Variants in SLCO1C1 observed in about 807,000 individuals in gnomAD.
SLCO1C1 encodes the protein OAT-RP-5.
Under a neutral mutation model 76.4 loss-of-function variants are expected in SLCO1C1, and 70 were observed. The observed-to-expected ratio is 0.92, with a 90% CI of 0.76 to 1.12. The LOEUF is 1.12. Ranked by LOEUF, SLCO1C1 falls within the 50% of genes most tolerant of loss-of-function variation. The pLI is 0.00. For synonymous variants in SLCO1C1, 306 were observed against 286.1 expected, an observed-to-expected ratio of 1.07 and a Z score of -0.70; for missense variants, 912 against 823.8, an observed-to-expected ratio of 1.11 and a Z score of -1.31.
intron 8 of SLCO1C1, 76 bp downstream of exon 8, chr12:20,722,125 C>T (rs1000187242): frequency 6.0e-6 from 9 of 1,495,452 alleles, no homozygotes; most frequent in Non-Finnish European, 8.0e-6. Context: ...TTACATCCCT[C>T]TCTTCCCTTC....
At position 20,721,888 on chromosome 12, in the gene SLCO1C1, T is replaced by C; in HGVS notation, c.860T>C (p.Leu287Pro). 5 of 1,614,178 alleles carry C rather than the reference T, an allele frequency of 3.1e-6. No individual in the cohort carries two copies. The highest frequency in any genetic ancestry group is 4.2e-6 in the Non-Finnish European group (5 of 1,180,022). Residue 287 changes from leucine (L) to proline (P), a missense_variant, in exon 8 of 15, where the codon CTT (leucine) becomes CCT (proline). Transcript: ENST00000266509. ...GYLIAGIISL[L>P]AAVPFWYLPK... ...CTAATAGCAGGAATCATAAGTCTTCTTGCAGCTGTGCCTTTCTGGTATTTA... is the reference window on the plus strand; with the variant it reads ...CTAATAGCAGGAATCATAAGTCTTCCTGCAGCTGTGCCTTTCTGGTATTTA...
At chr12:20,745,808 A>G (rs10431249) in intron 13 of SLCO1C1, among the ~76,000 whole-genome samples, 151,874 of 151,882 alleles carry the variant, frequency 1, 75,933 homozygotes, top group Middle Eastern at 1. Context: ...CTGGGTGACA[A>G]AGCAAGTCTC....
At chr12:20,748,451 G>C (rs1358824579) in intron 13 of SLCO1C1, among the ~76,000 whole-genome samples, 1 of 152,086 alleles carries the variant, frequency 6.6e-6, no homozygotes, top group Admixed American at 6.6e-5. Flanking sequence ...TCTTCTACTA[G>C]AGCAAATCTA....
intron 13 of SLCO1C1, 67 bp downstream of exon 13, chr12:20,743,436 A>AT (rs1948909845): frequency 3.1e-6 from 4 of 1,311,264 alleles, no homozygotes; most frequent in Middle Eastern, 2.0e-4. Flanking sequence ...TTTTCTAAAT[A>AT]TTTTTACAGA....
At chr12:20,750,928 G>C (rs1949273970) in intron 14 of SLCO1C1, 136 bp downstream of exon 14, 3 of 1,507,974 alleles carry the variant, frequency 2.0e-6, no homozygotes, top group Middle Eastern at 1.7e-4. Flanking sequence ...AGTGTGATCT[G>C]TAGTCATAGA....
chr12:20,746,994 T>G (rs4468396), intron 13 of SLCO1C1, among the ~76,000 whole-genome samples: 66,181 of 151,946 alleles, frequency 0.44, 17,132 homozygotes, highest in South Asian at 0.63. Flanking sequence ...ATAAAATTAA[T>G]AAATTATTAT....
chr12:20,736,432 C>T (rs969224976), intron 10 of SLCO1C1, among the ~76,000 whole-genome samples: 1 of 151,738 alleles, frequency 6.6e-6, no homozygotes, highest in African/African-American at 2.4e-5. Context: ...ATTTTATCAA[C>T]AAATAAATGG....
rs769964573 is a variant in SLCO1C1, at chr12:20,750,780, CA to C, written c.1907del (p.Asn636MetfsTer10). 6.2e-7 allele frequency: 1 copy of C among 1,613,898 alleles called. No homozygotes were observed. The highest frequency in any genetic ancestry group is 1.1e-5 in the South Asian group (1 of 91,064). Reference sequence around the variant, plus strand: ...AGAGGATCATGCAGATTATATGATTCAAATGTCTTCAGGTACCAAATCAAAA... The same window carrying C: ...AGAGGATCATGCAGATTATATGATTCAATGTCTTCAGGTACCAAATCAAAA... The part of the protein sequence containing the change: ...GSRGSCRLYD[S>X]NVFRHIYLGL... On this transcript the variant is annotated frameshift_variant, in exon 14 of 15. Transcript: ENST00000266509. LOFTEE classifies it low-confidence loss of function (END_TRUNC).
chr12:20,750,109 G>A (rs970619317), intron 13 of SLCO1C1, among the ~76,000 whole-genome samples: 2 of 152,180 alleles, frequency 1.3e-5, no homozygotes, highest in African/African-American at 4.8e-5. Context: ...TGGAACAGAT[G>A]TCTTGGGAAG....
chr12:20,710,683 T>C (rs181749068), intron 4 of SLCO1C1, among the ~76,000 whole-genome samples: 165 of 152,258 alleles, frequency 1.1e-3, no homozygotes, highest in African/African-American at 3.9e-3. Flanking sequence ...AAAAGCAGAA[T>C]CTTATCAGGA....
At chr12:20,750,561 T>TG (rs1427746255) in intron 13 of SLCO1C1, 114 bp from the exon 14 acceptor site, 40 of 892,578 alleles carry the variant, frequency 4.5e-5, no homozygotes, top group Non-Finnish European at 6.3e-5. Flanking sequence ...ATGTAATTGA[T>TG]GGCCTTTCAT....
intron 5 of SLCO1C1, among the ~76,000 whole-genome samples, chr12:20,713,617 G>T: frequency 6.6e-6 from 1 of 152,126 alleles, no homozygotes; most frequent in Non-Finnish European, 1.5e-5. Flanking sequence ...TCATCCTAAA[G>T]CTGATAAGGA....
chr12:20,729,209 C>G (rs980285490), intron 9 of SLCO1C1, among the ~76,000 whole-genome samples: 1 of 152,130 alleles, frequency 6.6e-6, no homozygotes, highest in Non-Finnish European at 1.5e-5. Context: ...TTTTTATCAG[C>G]TTGACCCACC....
chr12:20,722,240 T>C (rs921219705), intron 8 of SLCO1C1, among the ~76,000 whole-genome samples, 191 bp downstream of exon 8: 1 of 152,230 alleles, frequency 6.6e-6, no homozygotes, highest in Non-Finnish European at 1.5e-5. Flanking sequence ...AGCAAAGGCT[T>C]GACAGCCATT....
intron 13 of SLCO1C1, among the ~76,000 whole-genome samples, chr12:20,750,371 T>C (rs1312996886): frequency 6.6e-6 from 1 of 152,176 alleles, no homozygotes; most frequent in Non-Finnish European, 1.5e-5. Context: ...ACAAGTCTGC[T>C]TTAATGACTG....
chr12:20,707,411 A>T (rs897275443), intron 4 of SLCO1C1, among the ~76,000 whole-genome samples: 2 of 152,088 alleles, frequency 1.3e-5, no homozygotes, highest in African/African-American at 4.8e-5. Flanking sequence ...AAGCAGTTCC[A>T]CTACTGAAAA....
At chr12:20,707,826 A>G (rs920885531) in intron 4 of SLCO1C1, among the ~76,000 whole-genome samples, 2 of 152,208 alleles carry the variant, frequency 1.3e-5, no homozygotes, top group African/African-American at 4.8e-5. Context: ...AATCAGAGAA[A>G]AAAAAATGTA....
Position 20,752,613 on chromosome 12 carries a change from T to C in SLCO1C1, c.*85T>C. 1 of 1,169,466 alleles carries C rather than the reference T, an allele frequency of 8.6e-7. No individual in the cohort carries two copies. The highest frequency in any genetic ancestry group is 1.2e-6 in the Non-Finnish European group (1 of 850,296). The allele number at this position is 1,169,466 out of a possible 1,614,324, so 72.4% of individuals were successfully genotyped here. ...TGTAATCAAAAGAGCTCTAAATTTGTAATTTCTTTCTCCTTTCAAAAAATG... is the reference window on the plus strand; with the variant it reads ...TGTAATCAAAAGAGCTCTAAATTTGCAATTTCTTTCTCCTTTCAAAAAATG... On this transcript the variant is annotated 3_prime_UTR_variant, in exon 15 of 15. Transcript: ENST00000266509.
chr12:20,729,214 C>T (rs1372666069), intron 9 of SLCO1C1, among the ~76,000 whole-genome samples: 1 of 152,080 alleles, frequency 6.6e-6, no homozygotes, highest in Non-Finnish European at 1.5e-5. Flanking sequence ...ATCAGCTTGA[C>T]CCACCATGGA....
Sources: gnomAD v4.1 joint callset for allele counts (sites outside exome capture counted in the v4.1 genomes callset) on GRCh38, gnomAD v4.1.1 for gene constraint, MANE v1.5 for transcripts, NCBI Gene and HGNC (gene_info 2026-07-23, HGNC 2026-07-21) for gene names.